The following CHL1 variants were observed in gnomAD, a reference collection of about 807,000 sequenced individuals.
The protein encoded by CHL1 is neural cell adhesion molecule L1-like protein.
Under a neutral mutation model 141.9 loss-of-function variants are expected in CHL1, and 96 were observed. The ratio of observed to expected loss-of-function variants is 0.68; its 90% CI spans 0.57 to 0.80. The LOEUF is 0.80. Among genes scored for constraint, CHL1 ranks in the 30% least tolerant of loss-of-function variants. The pLI is 0.00. For synonymous variants in CHL1, 613 were observed against 502.2 expected, an observed-to-expected ratio of 1.22 and a Z score of -2.95; for missense variants, 1,820 against 1,457.2, an observed-to-expected ratio of 1.25 and a Z score of -4.05.
chr3:380,393 A>G (rs940256335), intron 16 of CHL1, among the ~76,000 whole-genome samples: 5 of 152,360 alleles, frequency 3.3e-5, no homozygotes, highest in African/African-American at 1.2e-4. Context: ...GAAAGGCTAC[A>G]TTAGATAATA....
rs1703561256 is a variant in CHL1, at chr3:354,676, T to C, written c.1070T>C (p.Val357Ala). The C allele has an allele frequency of 6.2e-7, 1 of 1,613,968 alleles. No homozygotes were observed. Residue 357 changes from valine (V) to alanine (A), a missense_variant, in exon 11 of 28, where the codon GTG becomes GCG. Physicochemically the swap from Val to Ala is moderately conservative, Grantham distance 64. Coordinates refer to ENST00000256509, the MANE Select transcript of CHL1 (RefSeq NM_006614.4). ...PRWTKKPQSA[V>A]YSTGSNGILL... ...TGGACAAAGAAGCCTCAGAGTGCTG[T>C]GTATAGCACCGGAAGCAATGGCATC... is the stretch of plus-strand genomic sequence containing the variant.
chr3:382,036 T>G, intron 16 of CHL1, 143 bp from the exon 17 acceptor site: 1 of 464,706 alleles, frequency 2.2e-6, no homozygotes, highest in East Asian at 4.2e-5. Context: ...CCCTTCCATA[T>G]GTGGGGTGGG....
At chr3:390,396 A>G (rs550506892) in intron 20 of CHL1, among the ~76,000 whole-genome samples, 6 of 152,334 alleles carry the variant, frequency 3.9e-5, no homozygotes, top group Admixed American at 1.3e-4. Flanking sequence ...TTTTATTTAT[A>G]TTACTAGTTT....
At chr3:377,737 A>G in intron 15 of CHL1, 81 bp from the exon 16 acceptor site, 1 of 1,222,524 alleles carries the variant, frequency 8.2e-7, no homozygotes, top group Non-Finnish European at 1.2e-6. Flanking sequence ...TTCGATAAGG[A>G]ATATGCATTT....
chr3:342,747 T>C (rs1303740193), intron 7 of CHL1, among the ~76,000 whole-genome samples: 2 of 152,168 alleles, frequency 1.3e-5, no homozygotes, highest in Non-Finnish European at 2.9e-5. Flanking sequence ...ATTCTTCTAG[T>C]AGCCTCAGTT....
rs376621764 is a variant in CHL1 at position 344,706 on chromosome 3, G to T, written c.845G>T (p.Gly282Val). 1 of 1,613,360 alleles carries T rather than the reference G, an allele frequency of 6.2e-7. No homozygotes were observed. Among genetic ancestry groups the T allele is most frequent in the Non-Finnish European group, 8.5e-7 (1 of 1,179,746 alleles). Residue 282 changes from glycine to valine, a missense_variant, in exon 9 of 28, where the codon GGC becomes GTC. Physicochemically the swap from Gly to Val is moderately radical, Grantham distance 109. Transcript: ENST00000256509. ...TTGCTGCTTGAGTGTTTTGCTGAAG[G>T]CTTGTGAGTAACCTGACTCTCACTC... is the stretch of plus-strand genomic sequence containing the variant. ...EILLLECFAE[G>V]LPTPQVDWNK...
At chr3:307,247 C>A (rs1699321068) in intron 2 of CHL1, among the ~76,000 whole-genome samples, 3 of 152,164 alleles carry the variant, frequency 2.0e-5, no homozygotes, top group African/African-American at 7.2e-5. Flanking sequence ...ATTGTCCAGA[C>A]AAACAAATAT....
intron 2 of CHL1, among the ~76,000 whole-genome samples, chr3:298,538 T>A (rs9861872): frequency 0.031 from 4,774 of 152,282 alleles, 264 homozygotes; most frequent in African/African-American, 0.11. Context: ...ACCATGCCCA[T>A]AAATGCATAG....
chr3:308,401 T>A (rs1699436183), intron 2 of CHL1, among the ~76,000 whole-genome samples: 1 of 152,080 alleles, frequency 6.6e-6, no homozygotes. Context: ...AGCCCTTGTT[T>A]ATTTTAGTTT....
chr3:223,176 C>T (rs1451558605), intron 1 of CHL1, among the ~76,000 whole-genome samples: 4 of 152,184 alleles, frequency 2.6e-5, no homozygotes, highest in Non-Finnish European at 4.4e-5. Context: ...AGTTGCTCCA[C>T]CCTTTAAACT....
intron 11 of CHL1, among the ~76,000 whole-genome samples, chr3:354,991 T>C (rs1421191326): frequency 6.6e-6 from 1 of 152,170 alleles, no homozygotes; most frequent in Non-Finnish European, 1.5e-5. Context: ...TGCCCTCTTA[T>C]AAATTATATA....
At chr3:368,406 G>C (rs331881) in intron 15 of CHL1, among the ~76,000 whole-genome samples, 2 of 152,132 alleles carry the variant, frequency 1.3e-5, no homozygotes, top group African/African-American at 4.8e-5. Flanking sequence ...CTTTTGAGAA[G>C]TGTCTGTTCA....
intron 1 of CHL1, among the ~76,000 whole-genome samples, chr3:200,698 A>G (rs1212970363): frequency 2.6e-5 from 4 of 152,174 alleles, no homozygotes; most frequent in African/African-American, 7.2e-5. Context: ...TTTTATGTCT[A>G]TCTACAAGTA....
In CHL1 at chr3:394,938, T is replaced by A. The variant is rs999325225; in HGVS notation, c.3094+66T>A. ...AAGAGACTGCATCTTTTTAAACAGCTGCACTGAAAGGAAAGCACCGTGCCA... is the reference window on the plus strand; with the variant it reads ...AAGAGACTGCATCTTTTTAAACAGCAGCACTGAAAGGAAAGCACCGTGCCA... On this transcript the variant is annotated intron_variant, in intron 24 of 27. Transcript: ENST00000256509. The A allele has an allele frequency of 2.5e-5, 33 of 1,315,106 alleles. No individual in the cohort carries two copies. The Admixed American group carries it at 6.5e-4, about 26-fold the overall frequency. The allele number at this position is 1,315,106 out of a possible 1,614,324, so 81.5% of individuals were successfully genotyped here.
chr3:239,809 T>C (rs1692379380), intron 1 of CHL1, among the ~76,000 whole-genome samples: 1 of 151,550 alleles, frequency 6.6e-6, no homozygotes, highest in African/African-American at 2.4e-5. Context: ...TGCATCCTCA[T>C]AGCTTAGCTC....
rs138897511 is a variant in CHL1, at chr3:285,682, G to A, written c.-94-34001G>A. 3.8e-3 allele frequency among the ~76,000 whole-genome samples: 580 copies of A among 152,202 alleles called. 3 individuals carry two copies. Among genetic ancestry groups the A allele is most frequent in the Non-Finnish European group, 5.0e-3 (338 of 68,026 alleles). ...TTCTTGTCTTCTAGAATATTTGTGA[G>A]GATTGAATGAAATACTATGTATAAT... On this transcript the variant is annotated intron_variant, in intron 2 of 27. Coordinates refer to ENST00000256509, the MANE Select transcript of CHL1 (RefSeq NM_006614.4).
chr3:197,847 T>C (rs771451788), intron 1 of CHL1: 7 of 449,426 alleles, frequency 1.6e-5, no homozygotes, highest in Admixed American at 9.8e-5. Context: ...CCCTTCTTCC[T>C]CTTTGTGCCT....
At chr3:209,928 CTGTT>C (rs373487962) in intron 1 of CHL1, among the ~76,000 whole-genome samples, 2 of 152,184 alleles carry the variant, frequency 1.3e-5, no homozygotes, top group African/African-American at 4.8e-5. Flanking sequence ...CTTAGGGAGA[CTGTT>C]TGGTAAATAC....
intron 5 of CHL1, among the ~76,000 whole-genome samples, chr3:336,692 T>A (rs1701891164): frequency 6.6e-6 from 1 of 152,250 alleles, no homozygotes; most frequent in African/African-American, 2.4e-5. Context: ...CTGTAGGATA[T>A]CCTATAGATA....
Sources: allele counts gnomAD v4.1 joint callset (sites outside exome capture counted in the v4.1 genomes callset), GRCh38; gene constraint gnomAD v4.1.1; transcripts MANE v1.5; gene names NCBI Gene and HGNC (gene_info 2026-07-23, HGNC 2026-07-21).